Variants in MAD1L1 observed in about 807,000 individuals in gnomAD.
MAD1L1 encodes the protein mitotic spindle assembly checkpoint protein MAD1.
In MAD1L1, 95 loss-of-function variants were observed where a neutral mutation model predicts 96.9. The observed-to-expected ratio is 0.98, with a 90% CI of 0.83 to 1.16. MAD1L1 has a LOEUF of 1.16. Among genes scored for constraint, MAD1L1 ranks in the 50% most tolerant of loss-of-function variants. The pLI, the probability that MAD1L1 is intolerant of heterozygous loss-of-function variation, is 0.00. For missense variants in MAD1L1, 1,007 were observed against 954.4 expected, an observed-to-expected ratio of 1.06 and a Z score of -0.73; for synonymous variants, 473 against 396.6, an observed-to-expected ratio of 1.19 and a Z score of -2.29.
chr7:1,921,473 C>G (rs1278993862), intron 17 of MAD1L1, among the ~76,000 whole-genome samples: 1 of 152,114 alleles, frequency 6.6e-6, no homozygotes, highest in Non-Finnish European at 1.5e-5. Context: ...TACAGACACC[C>G]TCCCGCCACG....
At position 1,870,739 on chromosome 7, in the gene MAD1L1, C is replaced by G. The variant is rs536217927; in HGVS notation, c.1998+27461G>C. ...TGAACCCACCGTAACACCTGCCACG[C>G]TGAACCCAACATATGCCTGCCACGC... is the stretch of plus-strand genomic sequence containing the variant. On this transcript the variant is annotated intron_variant, in intron 18 of 18. Transcript: ENST00000265854. Among the ~76,000 whole-genome samples, 411 of 143,888 alleles carry G rather than the reference C, an allele frequency of 2.9e-3. 8 individuals are homozygous for G. Among genetic ancestry groups the G allele is most frequent in the African/African-American group, 0.01 (387 of 37,754 alleles). 94.4% of individuals were successfully genotyped at this position (143,888 alleles called of 152,430 possible). A position where few individuals can be genotyped will look rare whatever the true frequency, so the allele number is the denominator to read the frequency against.
intron 10 of MAD1L1, among the ~76,000 whole-genome samples, chr7:2,170,481 G>A (rs1030939662): frequency 1.3e-5 from 2 of 152,192 alleles, no homozygotes; most frequent in Non-Finnish European, 2.9e-5. Flanking sequence ...CTGAGGCGAG[G>A]GTGACAGAGA....
At chr7:2,012,879 G>T (rs1177541969) in intron 13 of MAD1L1, among the ~76,000 whole-genome samples, 1 of 152,112 alleles carries the variant, frequency 6.6e-6, no homozygotes, top group African/African-American at 2.4e-5. Context: ...CTGTGCCCAC[G>T]CCCCCTCTAA....
intron 13 of MAD1L1, among the ~76,000 whole-genome samples, chr7:2,012,083 A>C (rs1027403488): frequency 6.6e-6 from 1 of 152,156 alleles, no homozygotes; most frequent in Non-Finnish European, 1.5e-5. Flanking sequence ...CCCACACCCC[A>C]CCATGGGAAG....
At chr7:1,980,649 G>C in intron 14 of MAD1L1, 108 bp from the exon 15 acceptor site, 1 of 851,606 alleles carries the variant, frequency 1.2e-6, no homozygotes. Flanking sequence ...CCCCGCCCTG[G>C]GCTGGGAGCT....
chr7:1,942,679 T>C (rs1779055649), intron 16 of MAD1L1, among the ~76,000 whole-genome samples: 1 of 152,034 alleles, frequency 6.6e-6, no homozygotes, highest in African/African-American at 2.4e-5. Context: ...ATGTCTCGGA[T>C]CAGAAGACCC....
rs1335672894 is a variant in MAD1L1 at position 1,909,589 on chromosome 7, C to T, written c.1808-11199G>A. ...CCCCCGGGATGTCACCCGTGAGAAC[C>T]GTACCCCAGCATGCCCCACAGCGCC... is the stretch of plus-strand genomic sequence containing the variant. On this transcript the variant is annotated intron_variant, in intron 17 of 18. Coordinates refer to ENST00000265854, the MANE Select transcript of MAD1L1 (RefSeq NM_001013836.2). 2.0e-5 allele frequency among the ~76,000 whole-genome samples: 3 copies of T among 152,288 alleles called. No individual in the cohort carries two copies. In the East Asian group the frequency reaches 5.8e-4, roughly 29 times the overall value.
intron 11 of MAD1L1, among the ~76,000 whole-genome samples, chr7:2,087,667 C>G (rs2128542931): frequency 6.6e-6 from 1 of 152,336 alleles, no homozygotes; most frequent in Non-Finnish European, 1.5e-5. Context: ...CAGGGCGGAC[C>G]TCTCCTGCCT....
At chr7:1,901,694 G>A (rs1271088296) in intron 17 of MAD1L1, among the ~76,000 whole-genome samples, 1 of 152,180 alleles carries the variant, frequency 6.6e-6, no homozygotes, top group Non-Finnish European at 1.5e-5. Context: ...AGGCTTTTAG[G>A]CCCTCTCCGC....
chr7:2,191,452 C>G (rs1014570826), intron 10 of MAD1L1, among the ~76,000 whole-genome samples: 6 of 152,170 alleles, frequency 3.9e-5, no homozygotes, highest in African/African-American at 1.4e-4. Context: ...GTATCTAAAA[C>G]TAGGGTGGAG....
chr7:2,180,515 C>T (rs1044593916), intron 10 of MAD1L1, among the ~76,000 whole-genome samples: 8 of 152,154 alleles, frequency 5.3e-5, no homozygotes, highest in African/African-American at 7.2e-5. Flanking sequence ...GGTTAATTTA[C>T]GACTGAGAGT....
intron 15 of MAD1L1, among the ~76,000 whole-genome samples, chr7:1,976,099 C>G (rs1289317349): frequency 6.6e-6 from 1 of 152,206 alleles, no homozygotes; most frequent in Non-Finnish European, 1.5e-5. Context: ...ACATGTCATT[C>G]ACATACAACA....
chr7:2,076,522 A>G (rs1785381283), intron 11 of MAD1L1, among the ~76,000 whole-genome samples: 1 of 152,234 alleles, frequency 6.6e-6, no homozygotes, highest in African/African-American at 2.4e-5. Context: ...TTGTTAAGTG[A>G]GCCCGAACAC....
chr7:1,972,125 G>A (rs1000070169), intron 15 of MAD1L1, among the ~76,000 whole-genome samples: 1 of 152,184 alleles, frequency 6.6e-6, no homozygotes, highest in Non-Finnish European at 1.5e-5. Context: ...CTACTCCCAC[G>A]TGATCTGTCA....
intron 12 of MAD1L1, among the ~76,000 whole-genome samples, chr7:2,023,475 T>G (rs1782871706): frequency 6.6e-6 from 1 of 152,144 alleles, no homozygotes; most frequent in Admixed American, 6.5e-5. Context: ...AAGAATAGTT[T>G]GAACAAGAAA....
rs1787543127 is a variant in MAD1L1 at position 2,114,283 on chromosome 7, T to C, written c.1073+34869A>G. On this transcript the variant is annotated intron_variant, in intron 11 of 18. Transcript: ENST00000265854. This position sits in a 1 kb window ranked among gnomAD's most constrained non-coding sequence, Gnocchi z 4.2. ...GTAATGACTCATCCCAAAGGCCATCTCAACACACCTCGGGCGGGAGAGCCC... is the reference window on the plus strand; with the variant it reads ...GTAATGACTCATCCCAAAGGCCATCCCAACACACCTCGGGCGGGAGAGCCC... Among the ~76,000 whole-genome samples the C allele has an allele frequency of 6.6e-6, 1 of 152,132 alleles. No individual in the cohort carries two copies. The highest frequency in any genetic ancestry group is 2.1e-4 in the South Asian group (1 of 4,830).
chr7:2,052,097 C>T (rs1584195509), intron 12 of MAD1L1, among the ~76,000 whole-genome samples: 1 of 152,138 alleles, frequency 6.6e-6, no homozygotes, highest in East Asian at 1.9e-4. Flanking sequence ...CCCGGCAGGC[C>T]AAGACCCACG....
At chr7:1,934,993 G>A (rs1181657637) in intron 17 of MAD1L1, among the ~76,000 whole-genome samples, 2 of 151,254 alleles carry the variant, frequency 1.3e-5, no homozygotes, top group African/African-American at 4.9e-5. Flanking sequence ...ACCCGAGACG[G>A]GCAGAGACCC....
chr7:2,042,491 T>G (rs182482876), intron 12 of MAD1L1, among the ~76,000 whole-genome samples: 1 of 152,374 alleles, frequency 6.6e-6, no homozygotes, highest in African/African-American at 2.4e-5. Flanking sequence ...CGTTCATTTA[T>G]TCATTCAACA....
Sources: allele counts gnomAD v4.1 joint callset (sites outside exome capture counted in the v4.1 genomes callset), GRCh38; gene constraint gnomAD v4.1.1; non-coding constraint Gnocchi (gnomAD v3.1); transcripts MANE v1.5; gene names NCBI Gene and HGNC (gene_info 2026-07-23, HGNC 2026-07-21).